The following ENTPD3 variants were observed in gnomAD, a reference collection of about 807,000 sequenced individuals.
ENTPD3 encodes the protein ectonucleoside triphosphate diphosphohydrolase 3.
Under a neutral mutation model 51.2 loss-of-function variants are expected in ENTPD3, and 60 were observed. The observed-to-expected ratio is 1.17, with a 90% CI of 0.95 to 1.45. ENTPD3 has a LOEUF of 1.45. ENTPD3 is among the 40% of genes most tolerant of loss of function. ENTPD3 has a pLI of 0.00. For synonymous variants in ENTPD3, 221 were observed against 238.4 expected (o/e 0.93, Z 0.67); for missense variants, 593 against 641.1 (o/e 0.93, Z 0.81).
intron 7 of ENTPD3, among the ~76,000 whole-genome samples, chr3:40,420,216 AT>A (rs941522675): frequency 7.3e-5 from 11 of 150,048 alleles, no homozygotes; most frequent in African/African-American, 2.5e-4. Flanking sequence ...GATTAGTTTG[AT>A]TTTTTTTTCT....
chr3:40,388,585 GACAC>G (rs55657804), intron 2 of ENTPD3, among the ~76,000 whole-genome samples: 8,980 of 126,226 alleles, frequency 0.071, 753 homozygotes, highest in African/African-American at 0.2. Flanking sequence ...CACACACACA[GACAC>G]ACACACACAC....
At chr3:40,391,275 C>A (rs1470028571) in intron 2 of ENTPD3, 1 of 151,946 alleles carries the variant, frequency 6.6e-6, no homozygotes. Context: ...ATTTCTTTTT[C>A]TTTAACTGAG....
chr3:40,412,709 C>G (rs537077207), intron 5 of ENTPD3, among the ~76,000 whole-genome samples: 1 of 152,206 alleles, frequency 6.6e-6, no homozygotes, highest in South Asian at 2.1e-4. Context: ...ATTCCAAGCA[C>G]GCAAAATTAT....
At position 40,400,973 on chromosome 3, in the gene ENTPD3, C is replaced by A; in HGVS notation, c.248C>A (p.Thr83Asn). The A allele has an allele frequency of 6.2e-7, 1 of 1,613,696 alleles. No homozygotes were observed. Among genetic ancestry groups the A allele is most frequent in the Non-Finnish European group, 8.5e-7 (1 of 1,179,924 alleles). The stretch of plus-strand genomic sequence containing the variant: ...TGGCCAGCAGAAAAAGAGAATAATA[C>A]CGGAGTGGTCAGTCAAACCTTCAAA... ...YQWPAEKENN[T>N]GVVSQTFKCS... Residue 83 changes from threonine to asparagine, a missense_variant, in exon 4 of 11, where the codon ACC becomes AAC. Coordinates refer to ENST00000301825, the MANE Select transcript of ENTPD3 (RefSeq NM_001248.4).
At chr3:40,408,027 C>T (rs1448576681) in intron 4 of ENTPD3, among the ~76,000 whole-genome samples, 1 of 152,084 alleles carries the variant, frequency 6.6e-6, no homozygotes. Flanking sequence ...TCAAGGACAC[C>T]TCACGGATCC....
intron 10 of ENTPD3, 108 bp downstream of exon 10, chr3:40,424,071 T>C: frequency 6.4e-7 from 1 of 1,552,626 alleles, no homozygotes; most frequent in Non-Finnish European, 8.7e-7. Flanking sequence ...TTAAACTCAC[T>C]GGGTGGAAGC....
At chr3:40,417,038 A>C (rs900721023) in intron 7 of ENTPD3, among the ~76,000 whole-genome samples, 1 of 152,146 alleles carries the variant, frequency 6.6e-6, no homozygotes, top group East Asian at 1.9e-4. Flanking sequence ...CCCAGTGTTC[A>C]TGCAGGGTAG....
chr3:40,411,469 T>C (rs4973993), intron 4 of ENTPD3, among the ~76,000 whole-genome samples: 39,438 of 152,006 alleles, frequency 0.26, 5,974 homozygotes, highest in East Asian at 0.48. Context: ...AAGTGGAAGA[T>C]TGTATGGATG....
chr3:40,427,324 A>G lies in ENTPD3; in HGVS notation c.1406A>G (p.Asn469Ser). ...CTTGGCTACATGCTCAGCCTGACCA[A>G]CCAGATCCCAGCTGAAAGCCCTCTG... ...WSLGYMLSLTNQIPAESPLIR... is the reference protein window; with the variant it reads ...WSLGYMLSLTSQIPAESPLIR... The change falls in exon 11 of 11, where the codon AAC becomes AGC. Residue 469 changes from asparagine (N) to serine (S), a missense_variant. Coordinates refer to ENST00000301825, the MANE Select transcript of ENTPD3 (RefSeq NM_001248.4). 1.2e-6 allele frequency: 2 copies of G among 1,614,136 alleles called. No homozygotes were observed. Among genetic ancestry groups the G allele is most frequent in the East Asian group, 4.5e-5 (2 of 44,882 alleles).
chr3:40,400,749 G>T, intron 3 of ENTPD3, 145 bp from the exon 4 acceptor site: 1 of 642,822 alleles, frequency 1.6e-6, no homozygotes, highest in Non-Finnish European at 2.8e-6. Flanking sequence ...AATTGGTTTG[G>T]AGAAAATAAT....
intron 10 of ENTPD3, 46 bp from the exon 11 acceptor site, chr3:40,427,226 C>T: frequency 1.4e-6 from 2 of 1,471,594 alleles, no homozygotes; most frequent in Non-Finnish European, 1.9e-6. Flanking sequence ...GTGATTGCAG[C>T]CTTGAGCCTT....
At chr3:40,393,362 C>T (rs1346405187) in intron 3 of ENTPD3, among the ~76,000 whole-genome samples, 1 of 152,182 alleles carries the variant, frequency 6.6e-6, no homozygotes, top group Non-Finnish European at 1.5e-5. Flanking sequence ...GGTAATTCAG[C>T]CATGTTCTTT....
chr3:40,391,851 T>C (rs914161337), intron 2 of ENTPD3, 172 bp from the exon 3 acceptor site: 1 of 719,654 alleles, frequency 1.4e-6, no homozygotes, highest in Admixed American at 2.4e-5. Flanking sequence ...TCCCCAAAAC[T>C]GGGGAGAAGG....
chr3:40,424,873 T>G (rs1955953100), intron 10 of ENTPD3: 3 of 680,502 alleles, frequency 4.4e-6, no homozygotes, highest in Non-Finnish European at 8.1e-6. Context: ...GGCCTCTGAC[T>G]ATCTACTTTT....
intron 2 of ENTPD3, chr3:40,391,150 G>C (rs1192624686): frequency 6.6e-6 from 1 of 151,854 alleles, no homozygotes; most frequent in Non-Finnish European, 1.5e-5. Flanking sequence ...TCTTGGTAGA[G>C]ACATGGTTTC....
chr3:40,392,234 G>A, intron 3 of ENTPD3, 84 bp downstream of exon 3: 1 of 1,525,824 alleles, frequency 6.6e-7, no homozygotes, highest in Non-Finnish European at 8.9e-7. Flanking sequence ...TGAGTTAGAA[G>A]AGCAGAAAAT....
Position 40,423,058 on chromosome 3 carries a change from G to T in ENTPD3, c.1040G>T (p.Cys347Phe). Residue 347 changes from cysteine (C) to phenylalanine (F), a missense_variant, in exon 8 of 11, where the codon TGC becomes TTC. Transcript: ENST00000301825. Reference protein sequence around the residue: ...KVASIFDFKACHDQETCSFDG... With the variant: ...KVASIFDFKAFHDQETCSFDG... ...GCTTCCATATTTGACTTCAAAGCTT[G>T]CCATGATCAAGAAACCTGTTCTTTT... 6.2e-7 allele frequency: 1 copy of T among 1,614,058 alleles called. No individual in the cohort carries two copies. Among genetic ancestry groups the T allele is most frequent in the Non-Finnish European group, 8.5e-7 (1 of 1,179,980 alleles).
In ENTPD3 at chr3:40,423,303, T is replaced by C. The variant is rs766579251; in HGVS notation, c.1117T>C (p.Phe373Leu). The C allele has an allele frequency of 1.9e-6, 3 of 1,613,586 alleles. No homozygotes were observed. Among genetic ancestry groups the C allele is most frequent in the Admixed American group, 1.7e-5 (1 of 59,988 alleles). Residue 373 changes from phenylalanine to leucine, a missense_variant, in exon 9 of 11, where the codon TTC (phenylalanine) becomes CTC (leucine). Transcript: ENST00000301825. ...IKGPFVAFAG[F>L]YYTASALNLS... Reference sequence around the variant, plus strand: ...TACTTATTTCCAGGCTTTTGCAGGATTCTACTACACAGCCAGTGCTTTAAA... The same window carrying C: ...TACTTATTTCCAGGCTTTTGCAGGACTCTACTACACAGCCAGTGCTTTAAA...
intron 7 of ENTPD3, 112 bp from the exon 8 acceptor site, chr3:40,422,738 T>A: frequency 1.1e-6 from 1 of 882,280 alleles, no homozygotes; most frequent in Non-Finnish European, 1.7e-6. Flanking sequence ...GTGCCATATT[T>A]TCTTAATCCA....
Sources: allele counts gnomAD v4.1 joint callset (sites outside exome capture counted in the v4.1 genomes callset), GRCh38; gene constraint gnomAD v4.1.1; transcripts MANE v1.5; gene names NCBI Gene and HGNC (gene_info 2026-07-23, HGNC 2026-07-21).